CTNNA3: variants seen among roughly 807,000 people sequenced by gnomAD.
The protein encoded by CTNNA3 is catenin alpha 3, also known as catenin alpha-3.
A neutral mutation model predicts 95.7 loss-of-function variants in CTNNA3; 76 were observed. The ratio of observed to expected loss-of-function variants is 0.79; its 90% confidence interval spans 0.66 to 0.96. CTNNA3 has a LOEUF of 0.96. Among genes scored for constraint, CTNNA3 ranks in the 40% least tolerant of loss-of-function variants. CTNNA3 has a pLI of 0.00. For missense variants in CTNNA3, 1,191 were observed against 1,089.8 expected, an observed-to-expected ratio of 1.09 and a Z score of -1.31; for synonymous variants, 431 against 374.4, an observed-to-expected ratio of 1.15 and a Z score of -1.74.
chr10:66,406,883 T>C (rs1291682185), intron 11 of CTNNA3, among the ~76,000 whole-genome samples: 1 of 152,202 alleles, frequency 6.6e-6, no homozygotes, highest in Non-Finnish European at 1.5e-5. Flanking sequence ...ACCATACTTA[T>C]ATCTTCCTCA....
chr10:66,334,355 G>C (rs1261184177), intron 12 of CTNNA3, among the ~76,000 whole-genome samples: 2 of 151,912 alleles, frequency 1.3e-5, no homozygotes, highest in East Asian at 1.9e-4. Context: ...TGTTTTTGCA[G>C]TGGCTGGTAC....
intron 11 of CTNNA3, among the ~76,000 whole-genome samples, chr10:66,459,541 C>A (rs1310908499): frequency 6.6e-6 from 1 of 152,104 alleles, no homozygotes; most frequent in Non-Finnish European, 1.5e-5. Flanking sequence ...ACTTTATTTT[C>A]TTTTCTTTAA....
intron 5 of CTNNA3, among the ~76,000 whole-genome samples, chr10:67,226,240 C>A (rs977852606): frequency 6.6e-6 from 1 of 152,086 alleles, no homozygotes; most frequent in Admixed American, 6.6e-5. Context: ...AACGACCAAA[C>A]CTAAGAATAA....
chr10:66,590,260 T>C (rs548460664), intron 10 of CTNNA3, among the ~76,000 whole-genome samples: 7 of 152,100 alleles, frequency 4.6e-5, no homozygotes, highest in African/African-American at 1.7e-4. Context: ...GAGTTTAAGG[T>C]TCAAGTGACT....
intron 12 of CTNNA3, among the ~76,000 whole-genome samples, chr10:66,281,493 A>T (rs552664570): frequency 6.6e-6 from 1 of 151,962 alleles, no homozygotes; most frequent in Admixed American, 6.6e-5. Context: ...TCATTCTGTT[A>T]ATGTGTAATT....
intron 9 of CTNNA3, among the ~76,000 whole-genome samples, chr10:66,744,256 C>T (rs1849428944): frequency 6.6e-6 from 1 of 152,126 alleles, no homozygotes. Context: ...CTATTTAGCT[C>T]TTCTTAGTAT....
At chr10:66,318,276 A>ATGTGTGTGTGTGTGTGTGTG (rs138734509) in intron 12 of CTNNA3, among the ~76,000 whole-genome samples, 9 of 136,602 alleles carry the variant, frequency 6.6e-5, no homozygotes, top group African/African-American at 2.4e-4. Context: ...ATATATATAT[A>ATGTGTGTGTGTGTGTGTGTG]TGTGTGTGTG....
chr10:67,248,554 TAC>T (rs1865990307), intron 5 of CTNNA3, among the ~76,000 whole-genome samples: 1 of 152,104 alleles, frequency 6.6e-6, no homozygotes, highest in Non-Finnish European at 1.5e-5. Flanking sequence ...GAGCTGGGAC[TAC>T]AGGCATACAC....
intron 7 of CTNNA3, among the ~76,000 whole-genome samples, chr10:67,025,089 A>G (rs182347216): frequency 6.8e-6 from 1 of 146,174 alleles, no homozygotes; most frequent in South Asian, 2.2e-4. Context: ...AGATCATGCC[A>G]TTGCACACTC....
intron 11 of CTNNA3, among the ~76,000 whole-genome samples, chr10:66,454,155 C>G (rs1476864838): frequency 6.6e-6 from 1 of 152,122 alleles, no homozygotes; most frequent in African/African-American, 2.4e-5. Flanking sequence ...TAGATTCCCC[C>G]CTGCAGTCTC....
At chr10:66,534,115 A>G (rs1455801349) in intron 10 of CTNNA3, among the ~76,000 whole-genome samples, 3 of 152,152 alleles carry the variant, frequency 2.0e-5, no homozygotes, top group African/African-American at 7.2e-5. Flanking sequence ...GTGAGTCTCG[A>G]GTTAGCAAAA....
intron 3 of CTNNA3, among the ~76,000 whole-genome samples, chr10:67,562,322 AG>A (rs1269100311): frequency 1.3e-5 from 2 of 152,320 alleles, no homozygotes; most frequent in Admixed American, 6.5e-5. Flanking sequence ...CTGGGATGCA[AG>A]GCTGGTTCAA....
intron 12 of CTNNA3, among the ~76,000 whole-genome samples, chr10:66,327,924 G>A (rs921331887): frequency 5.9e-5 from 9 of 151,906 alleles, no homozygotes; most frequent in African/African-American, 2.2e-4. Context: ...ATCATTTTAT[G>A]AGAGAAATAC....
At chr10:65,925,473 G>C (rs1033431238) in intron 17 of CTNNA3, among the ~76,000 whole-genome samples, 1 of 152,036 alleles carries the variant, frequency 6.6e-6, no homozygotes, top group Non-Finnish European at 1.5e-5. Flanking sequence ...GTCTCGCTCT[G>C]TTGTCCAGAC....
intron 10 of CTNNA3, among the ~76,000 whole-genome samples, chr10:66,528,148 AT>A (rs963656387): frequency 2.0e-5 from 3 of 152,028 alleles, no homozygotes; most frequent in African/African-American, 7.2e-5. Context: ...CTCTTTCCTC[AT>A]AGAGGCCTGT....
At chr10:66,809,313 T>C (rs1841783740) in intron 7 of CTNNA3, among the ~76,000 whole-genome samples, 1 of 152,182 alleles carries the variant, frequency 6.6e-6, no homozygotes, top group Non-Finnish European at 1.5e-5. Context: ...TTATTTCCAG[T>C]TACTTAATTT....
At chr10:66,799,492 C>T (rs1467266142) in intron 7 of CTNNA3, among the ~76,000 whole-genome samples, 1 of 151,356 alleles carries the variant, frequency 6.6e-6, no homozygotes, top group East Asian at 1.9e-4. Flanking sequence ...ACAGAACTAA[C>T]AGTACTGGAC....
At chr10:66,523,568 C>T (rs552504789) in intron 10 of CTNNA3, among the ~76,000 whole-genome samples, 5 of 151,926 alleles carry the variant, frequency 3.3e-5, no homozygotes, top group Admixed American at 1.3e-4. Context: ...ATCTTCTTCA[C>T]GTAAAACTAA....
intron 5 of CTNNA3, among the ~76,000 whole-genome samples, chr10:67,348,505 G>A (rs1842515988): frequency 6.6e-6 from 1 of 152,126 alleles, no homozygotes; most frequent in Non-Finnish European, 1.5e-5. Flanking sequence ...ACAAAGCGTG[G>A]CACCAGCATC....
Sources: allele counts gnomAD v4.1 joint callset (sites outside exome capture counted in the v4.1 genomes callset), GRCh38; gene constraint gnomAD v4.1.1; transcripts MANE v1.5; gene names NCBI Gene and HGNC (gene_info 2026-07-23, HGNC 2026-07-21).